Variants in ME3 observed in about 807,000 individuals in gnomAD.
ME3 encodes malic enzyme 3, also known as NADP-dependent malic enzyme, mitochondrial.
A neutral mutation model predicts 68.9 loss-of-function variants in ME3; 48 were observed. The ratio of observed to expected loss-of-function variants is 0.70; its 90% confidence interval spans 0.55 to 0.89. ME3 has a LOEUF of 0.89. Ranked by LOEUF, ME3 falls within the 40% of genes least tolerant of loss-of-function variation. ME3 has a pLI of 0.00. For synonymous variants in ME3, 320 were observed against 318.8 expected (o/e 1.00, Z -0.04); for missense variants, 675 against 797.4 (o/e 0.85, Z 1.85).
chr11:86,458,176 A>G (rs1261317767), intron 8 of ME3, among the ~76,000 whole-genome samples: 8 of 152,212 alleles, frequency 5.3e-5, no homozygotes, highest in Admixed American at 3.3e-4. Flanking sequence ...ATTCATTAGT[A>G]TGTGCTGAGT....
intron 7 of ME3, among the ~76,000 whole-genome samples, chr11:86,473,787 A>C (rs1950911679): frequency 1.3e-5 from 2 of 152,134 alleles, no homozygotes. Flanking sequence ...GGGTGAAAAA[A>C]CTGGATACCG....
intron 2 of ME3, among the ~76,000 whole-genome samples, chr11:86,631,697 C>T (rs1944026998): frequency 6.6e-6 from 1 of 152,162 alleles, no homozygotes; most frequent in Non-Finnish European, 1.5e-5. Flanking sequence ...AGGCATGGCA[C>T]ATTGGAAGCC....
chr11:86,536,898 A>G (rs1485389431), intron 4 of ME3, among the ~76,000 whole-genome samples: 1 of 152,192 alleles, frequency 6.6e-6, no homozygotes. Flanking sequence ...AATGTCCAAC[A>G]ATGATAGACT....
intron 7 of ME3, among the ~76,000 whole-genome samples, chr11:86,477,031 A>T (rs1431963567): frequency 6.6e-6 from 1 of 152,210 alleles, no homozygotes; most frequent in Non-Finnish European, 1.5e-5. Flanking sequence ...CTAAATTAAT[A>T]ATAATAGCAA....
chr11:86,451,773 A>C (rs988069979), intron 8 of ME3, among the ~76,000 whole-genome samples: 3 of 152,230 alleles, frequency 2.0e-5, no homozygotes, highest in Admixed American at 1.3e-4. Context: ...GATGTTTGGA[A>C]TACCTATTTG....
chr11:86,615,747 T>G (rs12576144), intron 2 of ME3, among the ~76,000 whole-genome samples: 39,658 of 152,080 alleles, frequency 0.26, 5,512 homozygotes, highest in African/African-American at 0.35. Flanking sequence ...CACTCTGACC[T>G]TGAGGGTGCT....
chr11:86,669,112 G>C (rs1946755514), intron 2 of ME3, among the ~76,000 whole-genome samples: 1 of 152,194 alleles, frequency 6.6e-6, no homozygotes, highest in African/African-American at 2.4e-5. Context: ...GAGGACAACA[G>C]AACAGCCAGA....
At chr11:86,629,736 T>A (rs1943894460) in intron 2 of ME3, among the ~76,000 whole-genome samples, 1 of 152,176 alleles carries the variant, frequency 6.6e-6, no homozygotes, top group African/African-American at 2.4e-5. Flanking sequence ...TTTGAGGCTT[T>A]GAGCAAAGCA....
At chr11:86,568,522 C>A (rs768076890) in intron 2 of ME3, among the ~76,000 whole-genome samples, 5 of 152,226 alleles carry the variant, frequency 3.3e-5, no homozygotes, top group Non-Finnish European at 5.9e-5. Context: ...CTACTGAACT[C>A]TATTTACCCA....
At chr11:86,618,553 G>A (rs1943136035) in intron 2 of ME3, among the ~76,000 whole-genome samples, 1 of 152,020 alleles carries the variant, frequency 6.6e-6, no homozygotes. Context: ...GGTCACAATT[G>A]TTTCTGATAT....
intron 2 of ME3, among the ~76,000 whole-genome samples, chr11:86,613,997 G>A (rs1942780960): frequency 6.6e-6 from 1 of 152,126 alleles, no homozygotes; most frequent in African/African-American, 2.4e-5. Context: ...AACCAACAGA[G>A]AGCCTGTATA....
chr11:86,612,347 A>G (rs904416459), intron 2 of ME3, among the ~76,000 whole-genome samples: 5 of 152,190 alleles, frequency 3.3e-5, no homozygotes, highest in African/African-American at 9.7e-5. Flanking sequence ...TGTCTTTGCT[A>G]TTGTAAATAG....
At chr11:86,591,948 T>C (rs936091379) in intron 2 of ME3, among the ~76,000 whole-genome samples, 2 of 152,120 alleles carry the variant, frequency 1.3e-5, no homozygotes, top group African/African-American at 4.8e-5. Flanking sequence ...AGTCCAGAAC[T>C]GTGAGAAAAT....
At chr11:86,485,285 A>C (rs569115342) in intron 7 of ME3, among the ~76,000 whole-genome samples, 1 of 152,214 alleles carries the variant, frequency 6.6e-6, no homozygotes, top group Admixed American at 6.5e-5. Flanking sequence ...TACCAGGCTC[A>C]GCTTTTGGTT....
At chr11:86,651,228 A>C (rs997390675) in intron 2 of ME3, among the ~76,000 whole-genome samples, 1 of 152,202 alleles carries the variant, frequency 6.6e-6, no homozygotes, top group Non-Finnish European at 1.5e-5. Context: ...TCCCTGTCTG[A>C]CAGCTTGGAA....
intron 4 of ME3, among the ~76,000 whole-genome samples, chr11:86,542,076 G>A (rs1260836902): frequency 6.6e-6 from 1 of 152,082 alleles, no homozygotes; most frequent in Non-Finnish European, 1.5e-5. Flanking sequence ...ACTGTTAGAA[G>A]GAAAACTAAC....
intron 4 of ME3, among the ~76,000 whole-genome samples, chr11:86,531,495 C>G (rs868350473): frequency 2.6e-5 from 4 of 152,240 alleles, no homozygotes; most frequent in South Asian, 2.1e-4. Flanking sequence ...CATCCCATTA[C>G]TGGGTATATA....
Position 86,510,476 on chromosome 11 carries a change from T to A in ME3, c.468-1609A>T, listed in dbSNP as rs753408658. 4.6e-5 allele frequency among the ~76,000 whole-genome samples: 7 copies of A among 152,362 alleles called. No homozygotes were observed. The South Asian group carries it at 1.5e-3, about 32-fold the overall frequency. Reference sequence around the variant, plus strand: ...TGTACTATGCCACTTTTTTTCTTACTCTTATTCTTTCTATTTGTGATCTTA... The same window carrying A: ...TGTACTATGCCACTTTTTTTCTTACACTTATTCTTTCTATTTGTGATCTTA... On this transcript the variant is annotated intron_variant, in intron 4 of 14. Coordinates refer to ENST00000543262, the Ensembl canonical transcript of ME3.
chr11:86,549,928 G>A (rs12284853), intron 4 of ME3, among the ~76,000 whole-genome samples: 3,685 of 152,258 alleles, frequency 0.024, 130 homozygotes, highest in East Asian at 0.15. Flanking sequence ...ACCTTCAAGA[G>A]TACTTCCAGG....
Sources: allele counts gnomAD v4.1 joint callset (sites outside exome capture counted in the v4.1 genomes callset), GRCh38; gene constraint gnomAD v4.1.1; transcripts MANE v1.5; gene names NCBI Gene and HGNC (gene_info 2026-07-23, HGNC 2026-07-21).